SORCS2: variants seen among roughly 807,000 people sequenced by gnomAD.
SORCS2 encodes the protein sortilin related VPS10 domain containing receptor 2.
Under a neutral mutation model 141.6 loss-of-function variants are expected in SORCS2, and 100 were observed. That is an observed-to-expected ratio of 0.71 (90% CI 0.60 to 0.83). The LOEUF is 0.83. SORCS2 is among the 40% of genes least tolerant of loss of function. SORCS2 has a pLI of 0.00. For synonymous variants in SORCS2, 789 were observed against 676.9 expected (o/e 1.17, Z -2.57); for missense variants, 1,646 against 1,560.2 (o/e 1.05, Z -0.93).
At chr4:7,436,869 C>G (rs965169978) in intron 2 of SORCS2, among the ~76,000 whole-genome samples, 7 of 152,306 alleles carry the variant, frequency 4.6e-5, no homozygotes, top group East Asian at 1.9e-4. Flanking sequence ...TCTGCTGGGT[C>G]TTATGGAGGA....
intron 3 of SORCS2, among the ~76,000 whole-genome samples, chr4:7,549,949 G>T (rs1441015840): frequency 1.3e-5 from 2 of 152,202 alleles, no homozygotes; most frequent in African/African-American, 4.8e-5. Flanking sequence ...GGCAGAGGGA[G>T]ATGAGTTCTC....
intron 1 of SORCS2, among the ~76,000 whole-genome samples, chr4:7,347,030 A>G (rs1720688586): frequency 1.3e-5 from 2 of 152,226 alleles, no homozygotes; most frequent in Non-Finnish European, 2.9e-5. Flanking sequence ...GAATAAGGTC[A>G]TATCTATGAA....
chr4:7,339,307 A>C (rs1720224190), intron 1 of SORCS2, among the ~76,000 whole-genome samples: 1 of 152,196 alleles, frequency 6.6e-6, no homozygotes, highest in Non-Finnish European at 1.5e-5. Flanking sequence ...TGATCCAAGG[A>C]TGTGCACAGG....
intron 1 of SORCS2, among the ~76,000 whole-genome samples, chr4:7,333,500 G>A (rs1271846172): frequency 6.6e-6 from 1 of 152,160 alleles, no homozygotes; most frequent in Non-Finnish European, 1.5e-5. Flanking sequence ...CTGCAGGAGG[G>A]GCTCACTCGG....
At chr4:7,453,547 G>A (rs980386702) in intron 2 of SORCS2, among the ~76,000 whole-genome samples, 1 of 138,390 alleles carries the variant, frequency 7.2e-6, no homozygotes, top group African/African-American at 2.7e-5. Flanking sequence ...TTGGGGTCAG[G>A]TGCTGTGTGT....
rs746132885 is a variant in SORCS2 at position 7,639,772 on chromosome 4, CGT to C, written c.813+1292_813+1293del. Reference sequence around the variant, plus strand: ...ATGTATGAGTGTATGTGGGTGTGAACGTGTGTGTGTGTGGGTATGTATGGGTG... The same window carrying C: ...ATGTATGAGTGTATGTGGGTGTGAACGTGTGTGTGTGGGTATGTATGGGTG... On this transcript the variant is annotated intron_variant, in intron 4 of 26. Transcript: ENST00000507866. 4.0e-3 allele frequency among the ~76,000 whole-genome samples: 557 copies of C among 138,858 alleles called. 3 individuals carry two copies. The highest frequency in any genetic ancestry group is 4.8e-3 in the Middle Eastern group (1 of 208). 91.1% of individuals were successfully genotyped at this position (138,858 alleles called of 152,430 possible).
intron 12 of SORCS2, among the ~76,000 whole-genome samples, chr4:7,698,296 G>A (rs1724837886): frequency 6.6e-6 from 1 of 152,202 alleles, no homozygotes. Context: ...ACACGCCCGA[G>A]TACCCCAGCC....
intron 1 of SORCS2, among the ~76,000 whole-genome samples, chr4:7,207,446 A>T (rs911896916): frequency 1.3e-5 from 2 of 152,128 alleles, no homozygotes; most frequent in African/African-American, 4.8e-5. Context: ...TGTGGCGGCC[A>T]CCGTGGCCAG....
intron 12 of SORCS2, among the ~76,000 whole-genome samples, chr4:7,699,073 T>G (rs1026569603): frequency 1.3e-5 from 2 of 152,114 alleles, no homozygotes; most frequent in Non-Finnish European, 2.9e-5. Context: ...ACATAACCTT[T>G]CAAAAACATG....
In SORCS2 at chr4:7,683,307, A is replaced by C. The variant is rs547183781; in HGVS notation, c.1488+418A>C. Among the ~76,000 whole-genome samples the C allele has an allele frequency of 5.8e-3, 811 of 140,266 alleles. 3 individuals are homozygous for C. The highest frequency in any genetic ancestry group is 0.01 in the Non-Finnish European group (642 of 63,642). 92.0% of individuals were successfully genotyped at this position (140,266 alleles called of 152,430 possible). Reference sequence around the variant, plus strand: ...GGCTCTGCTGACCTTGGCTGGGCTCAGCTGAGTGGCTCTGCTGACCTTGGC... The same window carrying C: ...GGCTCTGCTGACCTTGGCTGGGCTCCGCTGAGTGGCTCTGCTGACCTTGGC... On this transcript the variant is annotated intron_variant, in intron 10 of 26. Coordinates refer to ENST00000507866, the MANE Select transcript of SORCS2 (RefSeq NM_020777.3).
intron 3 of SORCS2, among the ~76,000 whole-genome samples, chr4:7,569,011 A>G (rs1715203397): frequency 6.6e-6 from 1 of 152,182 alleles, no homozygotes; most frequent in South Asian, 2.1e-4. Context: ...AACTCCTGCC[A>G]TCCTATCAGG....
chr4:7,608,017 G>A (rs1360594418), intron 3 of SORCS2, among the ~76,000 whole-genome samples: 1 of 152,122 alleles, frequency 6.6e-6, no homozygotes, highest in African/African-American at 2.4e-5. Flanking sequence ...CCGTGTTTAG[G>A]ACATGCCATG....
intron 1 of SORCS2, among the ~76,000 whole-genome samples, chr4:7,335,576 G>A (rs1241849198): frequency 1.3e-5 from 2 of 152,236 alleles, no homozygotes; most frequent in Non-Finnish European, 2.9e-5. Context: ...CAGTTCAGGA[G>A]GCAGCTGCAG....
intron 1 of SORCS2, among the ~76,000 whole-genome samples, chr4:7,320,034 G>A (rs1718801087): frequency 6.6e-6 from 1 of 152,168 alleles, no homozygotes; most frequent in African/African-American, 2.4e-5. Flanking sequence ...CAGGCATGGT[G>A]GCCCATGCCT....
chr4:7,306,492 G>C (rs1478738971), intron 1 of SORCS2, among the ~76,000 whole-genome samples: 1 of 152,180 alleles, frequency 6.6e-6, no homozygotes, highest in Non-Finnish European at 1.5e-5. Flanking sequence ...TTGTTCTGAG[G>C]ATGGCTGTTG....
chr4:7,634,923 C>G (rs1280254111), intron 3 of SORCS2, among the ~76,000 whole-genome samples: 1 of 152,228 alleles, frequency 6.6e-6, no homozygotes, highest in African/African-American at 2.4e-5. Flanking sequence ...GAGAGGCATC[C>G]TCCAGCGTGC....
At chr4:7,297,184 C>T (rs1275871423) in intron 1 of SORCS2, among the ~76,000 whole-genome samples, 1 of 152,304 alleles carries the variant, frequency 6.6e-6, no homozygotes, top group South Asian at 2.1e-4. Flanking sequence ...TCAGTATGCC[C>T]CCTTCCCTTC....
intron 2 of SORCS2, among the ~76,000 whole-genome samples, chr4:7,456,237 C>T (rs1451032166): frequency 1.3e-5 from 2 of 152,168 alleles, no homozygotes; most frequent in East Asian, 3.9e-4. Context: ...AGGTATTGGG[C>T]TTCAACACAG....
intron 1 of SORCS2, among the ~76,000 whole-genome samples, chr4:7,227,842 G>T (rs1321268513): frequency 6.6e-6 from 1 of 152,270 alleles, no homozygotes; most frequent in East Asian, 1.9e-4. Context: ...TCCTGTTGGG[G>T]TTTTCCTAGA....
Sources: gnomAD v4.1 joint callset for allele counts (sites outside exome capture counted in the v4.1 genomes callset) on GRCh38, gnomAD v4.1.1 for gene constraint, MANE v1.5 for transcripts, NCBI Gene and HGNC (gene_info 2026-07-23, HGNC 2026-07-21) for gene names.